The following MAGI3 variants were observed in gnomAD, a reference collection of about 807,000 sequenced individuals.
MAGI3 encodes membrane associated guanylate kinase, WW and PDZ domain containing 3.
A neutral mutation model predicts 121.8 loss-of-function variants in MAGI3; 43 were observed. The ratio of observed to expected loss-of-function variants is 0.35; its 90% CI spans 0.28 to 0.46. MAGI3 has a LOEUF of 0.46. Ranked by LOEUF, MAGI3 falls within the 20% of genes least tolerant of loss-of-function variation. The pLI is 1.00. For synonymous variants in MAGI3, 553 were observed against 639.3 expected (o/e 0.86, Z 2.04); for missense variants, 1,547 against 1,797.3 (o/e 0.86, Z 2.52).
chr1:113,574,477 G>A (rs2101709136), intron 2 of MAGI3, among the ~76,000 whole-genome samples: 1 of 152,096 alleles, frequency 6.6e-6, no homozygotes, highest in East Asian at 1.9e-4. Flanking sequence ...GAAATTCTGG[G>A]TTGAAAATCC....
intron 1 of MAGI3, among the ~76,000 whole-genome samples, chr1:113,533,787 T>C (rs1658839510): frequency 6.9e-6 from 1 of 145,368 alleles, no homozygotes; most frequent in Admixed American, 6.8e-5. Context: ...TTCTTTTTCT[T>C]TTTTTTTTTT....
chr1:113,455,700 C>T (rs1654716252), intron 1 of MAGI3, among the ~76,000 whole-genome samples: 1 of 152,160 alleles, frequency 6.6e-6, no homozygotes, highest in South Asian at 2.1e-4. Context: ...CCTTACTCTT[C>T]ACAGACTAGG....
chr1:113,587,889 A>G (rs553675282), intron 4 of MAGI3, among the ~76,000 whole-genome samples: 14 of 152,318 alleles, frequency 9.2e-5, no homozygotes, highest in Non-Finnish European at 1.8e-4. Context: ...TTTAATTTCT[A>G]TCATTTTTTC....
chr1:113,682,983 A>G lies in MAGI3; in HGVS notation c.3415A>G (p.Ile1139Val). ...PLPPSSHFAS[I>V]FEESHVPVIE... ...ACCCCCATCTTCACATTTTGCTTCC[A>G]TATTTGAAGAGTCTCACGTGCCAGT... is the stretch of plus-strand genomic sequence containing the variant. The change falls in exon 21 of 21, where the codon ATA (isoleucine) becomes GTA (valine). Residue 1139 changes from isoleucine to valine, a missense_variant. Coordinates refer to ENST00000307546, the MANE Select transcript of MAGI3 (RefSeq NM_001142782.2). 3 of 1,613,762 alleles carry G rather than the reference A, an allele frequency of 1.9e-6. No individual in the cohort carries two copies. Among genetic ancestry groups the G allele is most frequent in the Non-Finnish European group, 8.5e-7 (1 of 1,179,834 alleles).
Position 113,571,395 on chromosome 1 carries a change from G to A in MAGI3, c.434-9147G>A, listed in dbSNP as rs554375443. On this transcript the variant is annotated intron_variant, in intron 2 of 20. Coordinates refer to ENST00000307546, the MANE Select transcript of MAGI3 (RefSeq NM_001142782.2). The stretch of plus-strand genomic sequence containing the variant: ...ATATGAGGTCTTTTTGTTTCCATAT[G>A]AAATTTAAAGTAGTTTTTTCTAGTT... 7.9e-5 allele frequency among the ~76,000 whole-genome samples: 12 copies of A among 152,262 alleles called. No individual in the cohort carries two copies. The South Asian group carries it at 2.5e-3, about 32-fold the overall frequency.
chr1:113,610,015 A>G (rs553451334), intron 6 of MAGI3, among the ~76,000 whole-genome samples: 1 of 152,268 alleles, frequency 6.6e-6, no homozygotes, highest in South Asian at 2.1e-4. Context: ...CAGTTACTAC[A>G]GTATTCTGAC....
intron 1 of MAGI3, among the ~76,000 whole-genome samples, chr1:113,489,612 G>A (rs1189628982): frequency 6.6e-6 from 1 of 152,112 alleles, no homozygotes; most frequent in Non-Finnish European, 1.5e-5. Context: ...ACACGAGTAT[G>A]TTGAAACCCA....
chr1:113,513,697 C>T (rs1052630883), intron 1 of MAGI3, among the ~76,000 whole-genome samples: 2 of 152,102 alleles, frequency 1.3e-5, no homozygotes, highest in African/African-American at 4.8e-5. Context: ...TAGGCATTAC[C>T]ATTCAGGACC....
At chr1:113,586,097 A>T (rs946647578) in intron 4 of MAGI3, among the ~76,000 whole-genome samples, 1 of 152,220 alleles carries the variant, frequency 6.6e-6, no homozygotes, top group Admixed American at 6.5e-5. Flanking sequence ...TAAATGTAAA[A>T]CCAACAGAAA....
At chr1:113,566,329 C>T (rs1660432133) in intron 2 of MAGI3, among the ~76,000 whole-genome samples, 1 of 152,074 alleles carries the variant, frequency 6.6e-6, no homozygotes. Context: ...GTGGAAACAA[C>T]CCAAATTTCC....
intron 2 of MAGI3, among the ~76,000 whole-genome samples, chr1:113,555,915 CAG>C (rs1406453102): frequency 2.0e-5 from 3 of 151,590 alleles, no homozygotes; most frequent in Non-Finnish European, 2.9e-5. Context: ...AAATTACTAA[CAG>C]AAAGATATTC....
chr1:113,564,050 G>A (rs1402081518), intron 2 of MAGI3, among the ~76,000 whole-genome samples: 1 of 152,130 alleles, frequency 6.6e-6, no homozygotes, highest in Non-Finnish European at 1.5e-5. Context: ...TTAATTCCCT[G>A]TAAACAGTTA....
chr1:113,476,329 G>A (rs1039604405), intron 1 of MAGI3, among the ~76,000 whole-genome samples: 1 of 152,114 alleles, frequency 6.6e-6, no homozygotes, highest in African/African-American at 2.4e-5. Flanking sequence ...GTCAATTTTA[G>A]ATCTTTCCTG....
intron 9 of MAGI3, among the ~76,000 whole-genome samples, chr1:113,632,885 T>A (rs1651725014): frequency 6.9e-6 from 1 of 145,498 alleles, no homozygotes; most frequent in African/African-American, 2.4e-5. Flanking sequence ...GCTTTTGTTT[T>A]GTTTAGTTTT....
intron 3 of MAGI3, among the ~76,000 whole-genome samples, chr1:113,581,625 A>G (rs1216476298): frequency 6.6e-6 from 1 of 152,082 alleles, no homozygotes; most frequent in Non-Finnish European, 1.5e-5. Context: ...TCATGTGTGG[A>G]CTATTGCTGT....
chr1:113,437,791 CTTCTTCT>C (rs1202836541), intron 1 of MAGI3, among the ~76,000 whole-genome samples: 2 of 143,232 alleles, frequency 1.4e-5, no homozygotes, highest in East Asian at 2.0e-4. Flanking sequence ...CTTCTTCTTC[CTTCTTCT>C]TTCTTCTTTT....
intron 16 of MAGI3, among the ~76,000 whole-genome samples, chr1:113,667,609 G>C (rs1474817003): frequency 1.2e-4 from 19 of 152,150 alleles, no homozygotes; most frequent in Admixed American, 1.2e-3. Context: ...TCACTCATTT[G>C]TTCACTGGAG....
intron 12 of MAGI3, 152 bp from the exon 13 acceptor site, chr1:113,649,085 T>C: frequency 1.8e-6 from 1 of 546,158 alleles, no homozygotes; most frequent in Non-Finnish European, 3.2e-6. Context: ...TGTGTGTGTG[T>C]GTTACACTCT....
intron 14 of MAGI3, among the ~76,000 whole-genome samples, chr1:113,652,006 C>T (rs898458412): frequency 3.9e-5 from 6 of 152,078 alleles, no homozygotes; most frequent in African/African-American, 1.4e-4. Flanking sequence ...ATTTAATCTT[C>T]ACAACACTAT....
Sources: allele counts gnomAD v4.1 joint callset (sites outside exome capture counted in the v4.1 genomes callset), GRCh38; gene constraint gnomAD v4.1.1; transcripts MANE v1.5; gene names NCBI Gene and HGNC (gene_info 2026-07-23, HGNC 2026-07-21).